The following CMC1 variants were observed in gnomAD, a reference collection of about 807,000 sequenced individuals.
The protein encoded by CMC1 is C-X9-C motif containing 1.
Under a neutral mutation model 14.1 loss-of-function variants are expected in CMC1, and 14 were observed. The ratio of observed to expected loss-of-function variants is 0.99; its 90% CI spans 0.66 to 1.55. The LOEUF is 1.55. Among genes scored for constraint, CMC1 ranks in the 40% most tolerant of loss-of-function variants. CMC1 has a pLI of 0.00. For missense variants in CMC1, 127 were observed against 123.8 expected (o/e 1.03, Z -0.12); for synonymous variants, 50 against 38.4 (o/e 1.30, Z -1.12).
chr3:28,263,487 T>C (rs1171857123), intron 2 of CMC1, 107 bp downstream of exon 2: 1 of 670,040 alleles, frequency 1.5e-6, no homozygotes, highest in African/African-American at 1.9e-5. Context: ...TATGTATGAA[T>C]TGCTTCTCAC....
At chr3:28,294,587 C>T (rs190931315) in intron 2 of CMC1, 5 of 363,558 alleles carry the variant, frequency 1.4e-5, no homozygotes, top group Admixed American at 6.4e-5. Flanking sequence ...ATGCTTTAGT[C>T]ATGAGTTAAA....
In CMC1 at chr3:28,323,876, CAACT is replaced by C; in HGVS notation, c.*4249_*4252del. The C allele has an allele frequency of 1.4e-6, 1 of 690,820 alleles. No individual in the cohort carries two copies. Among genetic ancestry groups the C allele is most frequent in the Non-Finnish European group, 2.3e-6 (1 of 437,232 alleles). 42.8% of individuals were successfully genotyped at this position (690,820 alleles called of 1,614,324 possible). A position where few individuals can be genotyped will look rare whatever the true frequency, so the allele number is the denominator to read the frequency against. ...AGGGTGCTCTTTCATACTAGAAAAC[CAACT>C]ATGTTGGTTTTTGTACTATTGTACA... On this transcript the variant is annotated 3_prime_UTR_variant, in exon 4 of 4. Coordinates refer to ENST00000466830, the MANE Select transcript of CMC1 (RefSeq NM_182523.2).
rs1391775514 is a variant in CMC1, at chr3:28,323,567, T to C, written c.*3938T>C. On this transcript the variant is annotated 3_prime_UTR_variant, in exon 4 of 4. Transcript: ENST00000466830. Reference sequence around the variant, plus strand: ...TATAACCTAAGATGCTTTTATTTCATTATATTTTCAATATCTTTACGCATT... The same window carrying C: ...TATAACCTAAGATGCTTTTATTTCACTATATTTTCAATATCTTTACGCATT... 3 of 151,716 alleles carry C rather than the reference T, an allele frequency of 2.0e-5. No homozygotes were observed. The highest frequency in any genetic ancestry group is 4.8e-5 in the African/African-American group (2 of 41,310). The allele number at this position is 151,716 out of a possible 1,614,324, so 9.4% of individuals were successfully genotyped here.
chr3:28,306,516 AT>A (rs1055655400), intron 2 of CMC1, among the ~76,000 whole-genome samples: 7 of 152,056 alleles, frequency 4.6e-5, no homozygotes, highest in African/African-American at 1.4e-4. Context: ...TGATTTTTGC[AT>A]GTTGATTTTG....
At chr3:28,285,256 C>T (rs748382287) in intron 2 of CMC1, among the ~76,000 whole-genome samples, 1 of 152,106 alleles carries the variant, frequency 6.6e-6, no homozygotes, top group Non-Finnish European at 1.5e-5. Context: ...TACTGGTGAC[C>T]TTCTCTGCTG....
chr3:28,301,458 C>T (rs143803881), intron 2 of CMC1, among the ~76,000 whole-genome samples: 95 of 152,224 alleles, frequency 6.2e-4, no homozygotes, highest in African/African-American at 2.1e-3. Flanking sequence ...TGGATTCAAG[C>T]GATCCTCCTG....
At chr3:28,319,383 C>G (rs1221094821) in intron 3 of CMC1, 126 bp from the exon 4 acceptor site, 1 of 879,474 alleles carries the variant, frequency 1.1e-6, no homozygotes, top group Non-Finnish European at 1.9e-6. Flanking sequence ...TTAACCATTA[C>G]TAAAAGTGTA....
At chr3:28,302,946 G>A (rs570145041) in intron 2 of CMC1, among the ~76,000 whole-genome samples, 3 of 152,148 alleles carry the variant, frequency 2.0e-5, no homozygotes, top group Admixed American at 6.6e-5. Context: ...GAATAAGTGA[G>A]ATCCAATAGT....
intron 2 of CMC1, among the ~76,000 whole-genome samples, chr3:28,283,465 G>A (rs1404926957): frequency 1.3e-5 from 2 of 151,078 alleles, no homozygotes; most frequent in Admixed American, 6.6e-5. Flanking sequence ...GTTGTGGTGA[G>A]CTGAGATTGC....
chr3:28,278,989 A>G (rs1165556836), intron 2 of CMC1, among the ~76,000 whole-genome samples: 1 of 152,216 alleles, frequency 6.6e-6, no homozygotes, highest in Non-Finnish European at 1.5e-5. Flanking sequence ...ATAATTTAAA[A>G]TTTGATAATG....
At chr3:28,309,987 A>ACG (rs1328170909) in intron 2 of CMC1, among the ~76,000 whole-genome samples, 1 of 144,702 alleles carries the variant, frequency 6.9e-6, no homozygotes, top group Non-Finnish European at 1.5e-5. Context: ...ACACACACAC[A>ACG]CACGCTAATA....
At chr3:28,251,793 G>C (rs1444698440) in intron 1 of CMC1, among the ~76,000 whole-genome samples, 2 of 152,076 alleles carry the variant, frequency 1.3e-5, no homozygotes, top group Non-Finnish European at 1.5e-5. Flanking sequence ...TCATAGGATT[G>C]AGAATATTAC....
chr3:28,267,838 T>G (rs1245906288), intron 2 of CMC1, among the ~76,000 whole-genome samples: 1 of 152,216 alleles, frequency 6.6e-6, no homozygotes, highest in Non-Finnish European at 1.5e-5. Context: ...TGAAATAGGT[T>G]GCAGGGCTGC....
intron 2 of CMC1, among the ~76,000 whole-genome samples, chr3:28,265,677 A>G (rs1328266820): frequency 6.6e-6 from 1 of 152,128 alleles, no homozygotes; most frequent in Non-Finnish European, 1.5e-5. Context: ...ACTGCCAGCA[A>G]CTTAGGTTTG....
At position 28,273,244 on chromosome 3, in the gene CMC1, C is replaced by G. The variant is rs1028715702; in HGVS notation, c.109+9864C>G. Among the ~76,000 whole-genome samples, 5 of 152,134 alleles carry G rather than the reference C, an allele frequency of 3.3e-5. No homozygotes were observed. The East Asian group carries it at 9.6e-4, about 29-fold the overall frequency. ...GTGAGCACTTAGTGCTATAAATTTC[C>G]CTCTTAACACTGCTTTAGCTGCATC... On this transcript the variant is annotated intron_variant, in intron 2 of 3. Coordinates refer to ENST00000466830, the MANE Select transcript of CMC1 (RefSeq NM_182523.2).
intron 2 of CMC1, among the ~76,000 whole-genome samples, chr3:28,270,272 C>T (rs531850373): frequency 6.8e-4 from 104 of 152,238 alleles, no homozygotes; most frequent in African/African-American, 2.5e-3. Context: ...TAGGTATATA[C>T]CCAGTAATGG....
chr3:28,286,585 A>C (rs1178139070), intron 2 of CMC1, among the ~76,000 whole-genome samples: 4 of 152,180 alleles, frequency 2.6e-5, no homozygotes, highest in Non-Finnish European at 5.9e-5. Flanking sequence ...CATAGTCTTC[A>C]TTGTTGAATG....
rs912090233 is a variant in CMC1, at chr3:28,284,434, A to G, written c.109+21054A>G. Reference sequence around the variant, plus strand: ...CTAAATCAGTGATCCTCAAACGTTCATTGTACTTCAGAATTATCTAGGAAT... The same window carrying G: ...CTAAATCAGTGATCCTCAAACGTTCGTTGTACTTCAGAATTATCTAGGAAT... On this transcript the variant is annotated intron_variant, in intron 2 of 3. Coordinates refer to ENST00000466830, the MANE Select transcript of CMC1 (RefSeq NM_182523.2). Among the ~76,000 whole-genome samples, 4 of 152,188 alleles carry G rather than the reference A, an allele frequency of 2.6e-5. No homozygotes were observed. In the East Asian group the frequency reaches 5.8e-4, roughly 22 times the overall value.
chr3:28,275,521 A>T (rs1423579151), intron 2 of CMC1, among the ~76,000 whole-genome samples: 1 of 150,772 alleles, frequency 6.6e-6, no homozygotes, highest in Non-Finnish European at 1.5e-5. Context: ...AGGGGCACCG[A>T]CCTGATGCCA....
Sources: allele counts gnomAD v4.1 joint callset (sites outside exome capture counted in the v4.1 genomes callset), GRCh38; gene constraint gnomAD v4.1.1; transcripts MANE v1.5; gene names NCBI Gene and HGNC (gene_info 2026-07-23, HGNC 2026-07-21).